RASGRF2: variants seen among roughly 807,000 people sequenced by gnomAD.
RASGRF2 encodes ras-specific guanine nucleotide-releasing factor 2.
In RASGRF2, 76 loss-of-function variants were observed where a neutral mutation model predicts 151.0. The ratio of observed to expected loss-of-function variants is 0.50; its 90% CI spans 0.42 to 0.61. The LOEUF (loss-of-function observed/expected upper bound fraction) is 0.61. Ranked by LOEUF, RASGRF2 falls within the 20% of genes least tolerant of loss-of-function variation. The pLI is 0.00. For synonymous variants in RASGRF2, 504 were observed against 566.5 expected (o/e 0.89, Z 1.57); for missense variants, 1,148 against 1,564.6 (o/e 0.73, Z 4.49).
Position 81,023,737 on chromosome 5 carries a change from C to T in RASGRF2, c.289-19140C>T, listed in dbSNP as rs543754307. On this transcript the variant is annotated intron_variant, in intron 1 of 26. Coordinates refer to ENST00000265080, the MANE Select transcript of RASGRF2 (RefSeq NM_006909.3). ...GGCTGCTTTTAATTGGGTTCCCAAG[C>T]AGCAGCTGCTGTTAAGGTGCAGGCT... is the stretch of plus-strand genomic sequence containing the variant. 6.6e-5 allele frequency among the ~76,000 whole-genome samples: 10 copies of T among 152,332 alleles called. No individual in the cohort carries two copies. The East Asian group carries it at 1.9e-3, about 29-fold the overall frequency.
At chr5:81,144,196 G>C (rs537745174) in intron 17 of RASGRF2, among the ~76,000 whole-genome samples, 1 of 152,280 alleles carries the variant, frequency 6.6e-6, no homozygotes, top group South Asian at 2.1e-4. Context: ...TTTTCAAACT[G>C]TTATGTCAAA....
At chr5:81,101,765 G>A (rs554579938) in intron 12 of RASGRF2, among the ~76,000 whole-genome samples, 9 of 152,158 alleles carry the variant, frequency 5.9e-5, no homozygotes, top group Admixed American at 1.3e-4. Flanking sequence ...GCCTTTTGAC[G>A]TATGGTTTGG....
intron 17 of RASGRF2, among the ~76,000 whole-genome samples, chr5:81,171,454 A>G (rs1172228340): frequency 6.6e-6 from 1 of 152,214 alleles, no homozygotes; most frequent in Non-Finnish European, 1.5e-5. Flanking sequence ...ACTAAAGCAC[A>G]CAAAATCTCC....
At chr5:81,181,128 G>A (rs547941584) in intron 18 of RASGRF2, among the ~76,000 whole-genome samples, 4 of 152,268 alleles carry the variant, frequency 2.6e-5, no homozygotes, top group South Asian at 2.1e-4. Context: ...AATGAGAATC[G>A]TGTGTTATAA....
chr5:80,980,340 T>A (rs1748258046), intron 1 of RASGRF2, among the ~76,000 whole-genome samples: 1 of 152,140 alleles, frequency 6.6e-6, no homozygotes, highest in South Asian at 2.1e-4. Context: ...CCCCAGACAG[T>A]ACTCTTGAAA....
intron 19 of RASGRF2, chr5:81,204,351 G>A (rs1755460693): frequency 1.3e-5 from 2 of 152,182 alleles, no homozygotes; most frequent in African/African-American, 4.8e-5. Flanking sequence ...CATATCATAT[G>A]GTGGTTAAGT....
intron 1 of RASGRF2, among the ~76,000 whole-genome samples, chr5:80,973,243 A>G (rs1166665113): frequency 1.3e-5 from 2 of 152,188 alleles, no homozygotes; most frequent in Admixed American, 6.5e-5. Flanking sequence ...GTGGAATAGA[A>G]TGTGCTTACA....
chr5:81,093,956 C>T (rs1215572850), intron 10 of RASGRF2, among the ~76,000 whole-genome samples: 1 of 152,140 alleles, frequency 6.6e-6, no homozygotes, highest in African/African-American at 2.4e-5. Context: ...CAGCTTTCTA[C>T]TGCTTAAGCC....
chr5:81,189,483 T>C (rs911258762), intron 18 of RASGRF2, among the ~76,000 whole-genome samples: 1 of 151,660 alleles, frequency 6.6e-6, no homozygotes, highest in African/African-American at 2.4e-5. Flanking sequence ...GTTGTTTCTG[T>C]GTGTGTTTCT....
intron 1 of RASGRF2, among the ~76,000 whole-genome samples, chr5:81,030,415 C>G (rs1257420406): frequency 6.6e-6 from 1 of 152,112 alleles, no homozygotes; most frequent in African/African-American, 2.4e-5. Context: ...GTCAGGTTAC[C>G]CACAAAGGGA....
chr5:81,017,687 A>G (rs978824743), intron 1 of RASGRF2, among the ~76,000 whole-genome samples: 1 of 152,234 alleles, frequency 6.6e-6, no homozygotes, highest in East Asian at 1.9e-4. Context: ...TAATTCACAC[A>G]GAATATTCTT....
chr5:81,064,637 G>C (rs1231403583), intron 2 of RASGRF2, among the ~76,000 whole-genome samples: 1 of 152,192 alleles, frequency 6.6e-6, no homozygotes, highest in African/African-American at 2.4e-5. Context: ...ATTATGGGTA[G>C]TTGGTCTGGG....
intron 17 of RASGRF2, among the ~76,000 whole-genome samples, chr5:81,166,581 A>G (rs934787162): frequency 6.6e-6 from 1 of 152,122 alleles, no homozygotes; most frequent in Non-Finnish European, 1.5e-5. Context: ...CTCTATTGTC[A>G]CATGTGAGGG....
At chr5:81,030,785 G>A (rs505795) in intron 1 of RASGRF2, among the ~76,000 whole-genome samples, 1,642 of 152,196 alleles carry the variant, frequency 0.011, 16 homozygotes, top group Middle Eastern at 0.017. Context: ...GACAGGATCA[G>A]ATTCACACAT....
intron 7 of RASGRF2, among the ~76,000 whole-genome samples, chr5:81,084,081 A>G (rs1365771524): frequency 1.3e-5 from 2 of 152,214 alleles, no homozygotes; most frequent in African/African-American, 4.8e-5. Context: ...ATAAGGCAGA[A>G]AGGGCCAGAG....
chr5:81,101,466 A>G (rs747057568), intron 12 of RASGRF2, among the ~76,000 whole-genome samples: 7 of 149,596 alleles, frequency 4.7e-5, no homozygotes, highest in Non-Finnish European at 8.9e-5. Flanking sequence ...AGACCTAGAG[A>G]CTCCAGGAGC....
chr5:81,151,202 G>T (rs902674668), intron 17 of RASGRF2, among the ~76,000 whole-genome samples: 2 of 152,158 alleles, frequency 1.3e-5, no homozygotes, highest in Non-Finnish European at 2.9e-5. Flanking sequence ...TCAAAGATGG[G>T]CTTGTCCAGC....
chr5:81,053,356 A>G (rs990421490), intron 2 of RASGRF2, among the ~76,000 whole-genome samples: 13 of 137,580 alleles, frequency 9.4e-5, no homozygotes, highest in Admixed American at 2.5e-4. Flanking sequence ...ATTCCCACCT[A>G]TGAGTGAGAA....
At chr5:81,096,607 T>A (rs938678985) in intron 12 of RASGRF2, 2 of 152,184 alleles carry the variant, frequency 1.3e-5, no homozygotes, top group African/African-American at 4.8e-5. Context: ...CCTTATGATA[T>A]AATTAGGGCT....
Sources: allele counts gnomAD v4.1 joint callset (sites outside exome capture counted in the v4.1 genomes callset), GRCh38; gene constraint gnomAD v4.1.1; transcripts MANE v1.5; gene names NCBI Gene and HGNC (gene_info 2026-07-23, HGNC 2026-07-21).